Variants in SLC39A11 observed in about 807,000 individuals in gnomAD.
The protein encoded by SLC39A11 is zinc transporter ZIP11.
In SLC39A11, 33 loss-of-function variants were observed where a neutral mutation model predicts 36.1. The observed-to-expected ratio is 0.91, with a 90% CI of 0.69 to 1.22. SLC39A11 has a LOEUF of 1.22. SLC39A11 is among the 50% of genes most tolerant of loss of function. SLC39A11 has a pLI of 0.00. For missense variants in SLC39A11, 432 were observed against 430.3 expected (o/e 1.00, Z -0.03); for synonymous variants, 166 against 170.3 (o/e 0.97, Z 0.20).
At chr17:73,083,627 G>A (rs897902003) in intron 3 of SLC39A11, among the ~76,000 whole-genome samples, 1 of 152,110 alleles carries the variant, frequency 6.6e-6, no homozygotes, top group African/African-American at 2.4e-5. Flanking sequence ...ACAGGGGACT[G>A]AGGAACAAGT....
rs61453793 is a variant in SLC39A11 at position 72,951,261 on chromosome 17, C to CAAAAAAAA, written c.307-3394_307-3387dup. ...TGGGCAACGGAGAGTGACCCTGTTGCAAAAAAAAAAAAAAAAAGCCAGCAA... is the reference window on the plus strand; with the variant it reads ...TGGGCAACGGAGAGTGACCCTGTTGCAAAAAAAAAAAAAAAAAAAAAAAAAGCCAGCAA... On this transcript the variant is annotated intron_variant, in intron 4 of 9. Transcript: ENST00000255559. Among the ~76,000 whole-genome samples the CAAAAAAAA allele has an allele frequency of 3.9e-4, 34 of 86,966 alleles. 1 individual carries two copies. Among genetic ancestry groups the CAAAAAAAA allele is most frequent in the African/African-American group, 1.2e-3 (28 of 22,446 alleles). 57.1% of individuals were successfully genotyped at this position (86,966 alleles called of 152,430 possible).
chr17:72,949,144 C>CTTTTGTTTTTTTTTTTTT (rs2085662775), intron 4 of SLC39A11, among the ~76,000 whole-genome samples: 1 of 36,474 alleles, frequency 2.7e-5, no homozygotes, highest in Non-Finnish European at 5.4e-5. Flanking sequence ...CACTGGGCAG[C>CTTTTGTTTTTTTTTTTTT]TTTTTTTTTT....
chr17:72,861,688 T>TATATATATA (rs1169877556), intron 5 of SLC39A11, among the ~76,000 whole-genome samples: 5 of 88,800 alleles, frequency 5.6e-5, no homozygotes, highest in African/African-American at 2.2e-4. Context: ...TATATATATA[T>TATATATATA]AAAATATATA....
chr17:73,039,148 A>G (rs1442372910), intron 3 of SLC39A11, among the ~76,000 whole-genome samples: 1 of 152,142 alleles, frequency 6.6e-6, no homozygotes, highest in Non-Finnish European at 1.5e-5. Context: ...TACATTTCAC[A>G]GGATTGTCCT....
intron 3 of SLC39A11, among the ~76,000 whole-genome samples, chr17:73,075,478 C>A (rs1021635288): frequency 1.3e-5 from 2 of 152,198 alleles, no homozygotes; most frequent in African/African-American, 2.4e-5. Context: ...TGTCTGTAAA[C>A]AAAGGCAGCT....
At position 72,695,125 on chromosome 17, in the gene SLC39A11, C is replaced by T. The variant is rs374174947; in HGVS notation, c.671+41525G>A. 3.0e-4 allele frequency among the ~76,000 whole-genome samples: 46 copies of T among 152,046 alleles called. 1 individual carries two copies. The highest frequency in any genetic ancestry group is 1.3e-3 in the East Asian group (7 of 5,186). On this transcript the variant is annotated intron_variant, in intron 7 of 9. Transcript: ENST00000255559. Reference sequence around the variant, plus strand: ...TCAGAAATGCCAAGAAGGGTAGAAACGGGAAGTCTGTTTTGAGTTACTCTG... The same window carrying T: ...TCAGAAATGCCAAGAAGGGTAGAAATGGGAAGTCTGTTTTGAGTTACTCTG...
chr17:72,923,147 A>G (rs1443023061), intron 5 of SLC39A11, among the ~76,000 whole-genome samples: 1 of 152,000 alleles, frequency 6.6e-6, no homozygotes, highest in African/African-American at 2.4e-5. Flanking sequence ...GCTGTTTACA[A>G]TTACTCAATC....
chr17:72,751,517 A>C (rs372495134), intron 6 of SLC39A11, among the ~76,000 whole-genome samples: 1 of 152,218 alleles, frequency 6.6e-6, no homozygotes, highest in African/African-American at 2.4e-5. Flanking sequence ...TTTTAAGTGT[A>C]CATTCATTGG....
Position 72,770,422 on chromosome 17 carries a change from T to A in SLC39A11, c.602-33703A>T, listed in dbSNP as rs150827446. On this transcript the variant is annotated intron_variant, in intron 6 of 9. Transcript: ENST00000255559. ...TGGTTGTAGGCCCATTCCAGTGGGA[T>A]GTGGCACTCCTTTTAGAGGACACTT... Among the ~76,000 whole-genome samples the A allele has an allele frequency of 3.3e-4, 51 of 152,336 alleles. No homozygotes were observed. The East Asian group carries it at 9.3e-3, about 28-fold the overall frequency.
chr17:72,674,418 C>T (rs868024297), intron 7 of SLC39A11, among the ~76,000 whole-genome samples: 1 of 152,166 alleles, frequency 6.6e-6, no homozygotes, highest in African/African-American at 2.4e-5. Flanking sequence ...GGTGTGGCTA[C>T]ACTATAGCTT....
In SLC39A11 at chr17:72,911,249, C is replaced by T. The variant is rs2082974125; in HGVS notation, c.430+36503G>A. Among the ~76,000 whole-genome samples, 2 of 151,958 alleles carry T rather than the reference C, an allele frequency of 1.3e-5. 1 individual carries two copies. The highest frequency in any genetic ancestry group is 4.2e-4 in the South Asian group (2 of 4,816). Reference sequence around the variant, plus strand: ...CTTGGACACAGGAAGGGGAACATCACACACCGGGGCCTGTTGTGGGGTGGA... The same window carrying T: ...CTTGGACACAGGAAGGGGAACATCATACACCGGGGCCTGTTGTGGGGTGGA... On this transcript the variant is annotated intron_variant, in intron 5 of 9. Transcript: ENST00000255559.
chr17:72,781,558 G>A (rs911705801), intron 6 of SLC39A11, among the ~76,000 whole-genome samples: 40 of 152,020 alleles, frequency 2.6e-4, no homozygotes, highest in African/African-American at 9.4e-4. Context: ...CGAGTGGCTG[G>A]GATTACAGGC....
chr17:72,678,577 C>T (rs542537342), intron 7 of SLC39A11, among the ~76,000 whole-genome samples: 16 of 152,110 alleles, frequency 1.1e-4, no homozygotes, highest in South Asian at 1.0e-3. Flanking sequence ...TGGTGGCGTG[C>T]GCCTGTAATC....
At chr17:72,751,957 G>T (rs2075172579) in intron 6 of SLC39A11, among the ~76,000 whole-genome samples, 1 of 151,922 alleles carries the variant, frequency 6.6e-6, no homozygotes, top group Admixed American at 6.6e-5. Context: ...CCCTCCCACA[G>T]CCCCTGGCAA....
chr17:72,903,665 T>A (rs904604051), intron 5 of SLC39A11, among the ~76,000 whole-genome samples: 28 of 152,170 alleles, frequency 1.8e-4, no homozygotes, highest in Non-Finnish European at 3.4e-4. Context: ...TTTTGTTCAT[T>A]AAATTTGAAG....
intron 7 of SLC39A11, among the ~76,000 whole-genome samples, chr17:72,723,233 G>C (rs1041387285): frequency 2.0e-5 from 3 of 152,186 alleles, no homozygotes; most frequent in Non-Finnish European, 4.4e-5. Flanking sequence ...GCTTCATAGA[G>C]AGATGTCACC....
At chr17:73,033,947 T>C (rs571152416) in intron 3 of SLC39A11, among the ~76,000 whole-genome samples, 2 of 152,208 alleles carry the variant, frequency 1.3e-5, no homozygotes, top group African/African-American at 2.4e-5. Context: ...GTGCCACCCA[T>C]GGAAACCTGC....
At chr17:72,971,942 TAGA>T (rs1395670540) in intron 4 of SLC39A11, among the ~76,000 whole-genome samples, 4 of 152,210 alleles carry the variant, frequency 2.6e-5, no homozygotes, top group Non-Finnish European at 5.9e-5. Flanking sequence ...AGCTTCTCTC[TAGA>T]AGGAGAATAC....
chr17:72,807,277 C>G (rs2077288441), intron 6 of SLC39A11, among the ~76,000 whole-genome samples: 1 of 152,140 alleles, frequency 6.6e-6, no homozygotes, highest in African/African-American at 2.4e-5. Context: ...GAAGGCATGC[C>G]TCAAAAGTCT....
Sources: allele counts gnomAD v4.1 joint callset (sites outside exome capture counted in the v4.1 genomes callset), GRCh38; gene constraint gnomAD v4.1.1; transcripts MANE v1.5; gene names NCBI Gene and HGNC (gene_info 2026-07-23, HGNC 2026-07-21).